The following RANBP17 variants were observed in gnomAD, a reference collection of about 807,000 sequenced individuals.
RANBP17 encodes RAN binding protein 17.
RANBP17 carries 158 observed loss-of-function variants against 141.2 expected under a neutral mutation model. That is an observed-to-expected ratio of 1.12 (90% CI 0.98 to 1.28). The LOEUF (loss-of-function observed/expected upper bound fraction) is 1.28, where lower values mean the gene tolerates loss of function less well. Ranked by LOEUF, RANBP17 falls within the 50% of genes most tolerant of loss-of-function variation. RANBP17 has a pLI of 0.00. For synonymous variants in RANBP17, 430 were observed against 450.0 expected, an observed-to-expected ratio of 0.96 and a Z score of 0.56; for missense variants, 1,438 against 1,290.7, an observed-to-expected ratio of 1.11 and a Z score of -1.75.
chr5:171,173,470 T>C (rs903636797), intron 16 of RANBP17, among the ~76,000 whole-genome samples: 8 of 152,232 alleles, frequency 5.3e-5, no homozygotes, highest in East Asian at 1.9e-4. Flanking sequence ...AGTTTTTTAA[T>C]GTTCTTTATT....
intron 22 of RANBP17, among the ~76,000 whole-genome samples, chr5:171,233,798 A>G (rs561671169): frequency 2.0e-5 from 3 of 152,234 alleles, no homozygotes; most frequent in Non-Finnish European, 4.4e-5. Context: ...TCTGTGTGAT[A>G]CTATAATGGT....
chr5:170,969,447 AAC>A (rs1350081925), intron 14 of RANBP17, among the ~76,000 whole-genome samples: 1 of 151,918 alleles, frequency 6.6e-6, no homozygotes, highest in Non-Finnish European at 1.5e-5. Context: ...AAATTTATAT[AAC>A]AGAGTGCCTT....
At chr5:171,013,902 C>G (rs1780249278) in intron 14 of RANBP17, among the ~76,000 whole-genome samples, 1 of 151,982 alleles carries the variant, frequency 6.6e-6, no homozygotes, top group African/African-American at 2.4e-5. Flanking sequence ...CTTCCTGATT[C>G]TCTTTGTACT....
intron 14 of RANBP17, among the ~76,000 whole-genome samples, chr5:171,058,943 G>A (rs1441816579): frequency 1.3e-5 from 2 of 151,694 alleles, no homozygotes; most frequent in Non-Finnish European, 2.9e-5. Flanking sequence ...TGTGTCTTTT[G>A]GCTGCATAAA....
chr5:171,256,882 C>G (rs1349138075), intron 24 of RANBP17, among the ~76,000 whole-genome samples: 1 of 151,394 alleles, frequency 6.6e-6, no homozygotes, highest in Non-Finnish European at 1.5e-5. Context: ...CTGAACAGAC[C>G]AATAACAACT....
intron 24 of RANBP17, among the ~76,000 whole-genome samples, chr5:171,244,036 C>T (rs537849777): frequency 2.0e-5 from 3 of 152,022 alleles, no homozygotes; most frequent in Admixed American, 1.3e-4. Context: ...TGCAGTGAGC[C>T]GAGACTGCAC....
intron 24 of RANBP17, among the ~76,000 whole-genome samples, chr5:171,245,579 G>C (rs1176685873): frequency 6.6e-6 from 1 of 152,060 alleles, no homozygotes; most frequent in African/African-American, 2.4e-5. Flanking sequence ...CTCCCAAAGT[G>C]CTGGGATTAT....
At position 171,075,706 on chromosome 5, in the gene RANBP17, A is replaced by C. The variant is rs550320944; in HGVS notation, c.1711-94424A>C. Among the ~76,000 whole-genome samples the C allele has an allele frequency of 3.9e-5, 6 of 152,314 alleles. No homozygotes were observed. In the South Asian group the frequency reaches 1.2e-3, roughly 32 times the overall value. ...GGTGGCTCAAGCCTGTAATCCCAGC[A>C]CTTTGGGAGGCCAAGGTGGGCAGAT... On this transcript the variant is annotated intron_variant, in intron 14 of 27. Transcript: ENST00000523189.
chr5:171,298,346 A>G (rs770101464), intron 27 of RANBP17, among the ~76,000 whole-genome samples: 26 of 152,168 alleles, frequency 1.7e-4, no homozygotes, highest in Non-Finnish European at 2.6e-4. Flanking sequence ...AAATGAGGAT[A>G]CTCATACCTA....
At chr5:170,973,171 C>T (rs1390278991) in intron 14 of RANBP17, among the ~76,000 whole-genome samples, 2 of 151,930 alleles carry the variant, frequency 1.3e-5, no homozygotes, top group African/African-American at 4.8e-5. Context: ...TTAAAGGGAA[C>T]ATGGACAAGT....
intron 25 of RANBP17, among the ~76,000 whole-genome samples, chr5:171,293,645 A>G (rs563751702): frequency 5.3e-5 from 8 of 152,204 alleles, no homozygotes; most frequent in Non-Finnish European, 8.8e-5. Flanking sequence ...CCCATCTGGA[A>G]TGTTCTCACC....
chr5:171,072,354 A>C (rs1360927556), intron 14 of RANBP17, among the ~76,000 whole-genome samples: 1 of 152,244 alleles, frequency 6.6e-6, no homozygotes, highest in Middle Eastern at 3.4e-3. Context: ...CAGAACTGTA[A>C]GATAGTAAAT....
At chr5:170,891,464 T>C (rs147135991) in intron 3 of RANBP17, among the ~76,000 whole-genome samples, 1 of 152,346 alleles carries the variant, frequency 6.6e-6, no homozygotes, top group African/African-American at 2.4e-5. Flanking sequence ...ATGCGTTTTG[T>C]TCAGTTGGCC....
chr5:171,291,366 A>G (rs1266008669), intron 25 of RANBP17, among the ~76,000 whole-genome samples: 1 of 152,184 alleles, frequency 6.6e-6, no homozygotes, highest in Non-Finnish European at 1.5e-5. Context: ...TTATTTAGAT[A>G]TAGACCTCCA....
intron 22 of RANBP17, among the ~76,000 whole-genome samples, chr5:171,222,397 C>G (rs1763621977): frequency 6.6e-6 from 1 of 152,154 alleles, no homozygotes; most frequent in Non-Finnish European, 1.5e-5. Context: ...ACACTGTCAT[C>G]AATGAAATTC....
intron 5 of RANBP17, chr5:170,896,820 A>C: frequency 2.3e-6 from 1 of 443,532 alleles, no homozygotes; most frequent in Non-Finnish European, 4.2e-6. Context: ...ACAGAGCAAG[A>C]CTCTGTCTCA....
intron 23 of RANBP17, 39 bp downstream of exon 23, chr5:171,241,181 G>T: frequency 1.4e-6 from 2 of 1,451,352 alleles, no homozygotes; most frequent in Non-Finnish European, 1.9e-6. Flanking sequence ...TGTATGAAAT[G>T]TGAAGTAACA....
intron 13 of RANBP17, among the ~76,000 whole-genome samples, chr5:170,960,557 G>C (rs1246858171): frequency 6.6e-6 from 1 of 152,082 alleles, no homozygotes; most frequent in Non-Finnish European, 1.5e-5. Flanking sequence ...ATCAAGTCCT[G>C]TCAGTTCTAT....
rs564073742 is a variant in RANBP17, at chr5:171,280,722, TG to T, written c.2944-13160del. ...GGTTCCCTCATCCTCTGGCCTTTCA[TG>T]AATTAATGCTGCCTCTTATGCTTTG... On this transcript the variant is annotated intron_variant, in intron 25 of 27. Coordinates refer to ENST00000523189, the MANE Select transcript of RANBP17 (RefSeq NM_022897.5). 2.3e-4 allele frequency among the ~76,000 whole-genome samples: 35 copies of T among 152,376 alleles called. No homozygotes were observed. The East Asian group carries it at 6.8e-3, about 29-fold the overall frequency.
Sources: gnomAD v4.1 joint callset for allele counts (sites outside exome capture counted in the v4.1 genomes callset) on GRCh38, gnomAD v4.1.1 for gene constraint, MANE v1.5 for transcripts, NCBI Gene and HGNC (gene_info 2026-07-23, HGNC 2026-07-21) for gene names.